JAZF1: variants seen among roughly 807,000 people sequenced by gnomAD.
The protein encoded by JAZF1 is JAZF zinc finger 1, also known as juxtaposed with another zinc finger protein 1.
JAZF1 carries 8 observed loss-of-function variants against 26.4 expected under a neutral mutation model. The ratio of observed to expected loss-of-function variants is 0.30; its 90% confidence interval spans 0.18 to 0.55. The LOEUF is 0.55. JAZF1 is among the 20% of genes least tolerant of loss of function. JAZF1 has a pLI of 0.94. For missense variants in JAZF1, 199 were observed against 322.0 expected (o/e 0.62, Z 2.92); for synonymous variants, 126 against 122.3 (o/e 1.03, Z -0.20).
intron 2 of JAZF1, among the ~76,000 whole-genome samples, chr7:27,980,912 T>C (rs1237689269): frequency 6.6e-6 from 1 of 152,198 alleles, no homozygotes; most frequent in Non-Finnish European, 1.5e-5. Flanking sequence ...TTTAGTTATC[T>C]TTCCACTATG....
At chr7:27,913,668 TA>T (rs1784399082) in intron 2 of JAZF1, among the ~76,000 whole-genome samples, 2 of 152,320 alleles carry the variant, frequency 1.3e-5, no homozygotes, top group South Asian at 2.1e-4. Context: ...CCAACCCACC[TA>T]TGGGAGCCCT....
chr7:28,009,787 T>A (rs1782769467), intron 1 of JAZF1, among the ~76,000 whole-genome samples: 1 of 152,094 alleles, frequency 6.6e-6, no homozygotes, highest in South Asian at 2.1e-4. Context: ...CCACACCCGG[T>A]CACCATTGCG....
intron 3 of JAZF1, among the ~76,000 whole-genome samples, chr7:27,845,148 GA>G (rs895483321): frequency 6.6e-6 from 1 of 152,290 alleles, no homozygotes; most frequent in African/African-American, 2.4e-5. Context: ...AAAGAGAGGG[GA>G]AAAAACAACT....
At chr7:28,053,128 G>C (rs1446834646) in intron 1 of JAZF1, among the ~76,000 whole-genome samples, 2 of 152,170 alleles carry the variant, frequency 1.3e-5, no homozygotes, top group Non-Finnish European at 2.9e-5. Context: ...TTGAGGGTTA[G>C]CCATACTGTA....
chr7:27,882,708 T>A (rs1783793831), intron 3 of JAZF1, among the ~76,000 whole-genome samples: 1 of 152,178 alleles, frequency 6.6e-6, no homozygotes, highest in South Asian at 2.1e-4. Flanking sequence ...TGCCTGGGGA[T>A]CATTTTATTG....
intron 3 of JAZF1, among the ~76,000 whole-genome samples, chr7:27,846,904 G>T (rs1398825858): frequency 1.1e-4 from 17 of 152,074 alleles, no homozygotes; most frequent in Non-Finnish European, 2.9e-5. Context: ...TCCATAGATT[G>T]CTATTTCATC....
chr7:28,098,031 T>C (rs1219130473), intron 1 of JAZF1, among the ~76,000 whole-genome samples: 4 of 152,160 alleles, frequency 2.6e-5, no homozygotes, highest in African/African-American at 9.7e-5. Context: ...CCAGAAACCT[T>C]AAGCTTGCTA....
At chr7:28,152,828 C>CA (rs1024880018) in intron 1 of JAZF1, among the ~76,000 whole-genome samples, 33 of 151,980 alleles carry the variant, frequency 2.2e-4, no homozygotes, top group African/African-American at 7.0e-4. Context: ...GGGGACACTG[C>CA]AAAAAATGGC....
chr7:28,138,058 C>G (rs762375988), intron 1 of JAZF1, among the ~76,000 whole-genome samples: 2 of 152,166 alleles, frequency 1.3e-5, no homozygotes, highest in Non-Finnish European at 1.5e-5. Flanking sequence ...ATCCTCTGTT[C>G]AATGCTTCTC....
chr7:27,862,964 A>G (rs1334568123), intron 3 of JAZF1, among the ~76,000 whole-genome samples: 4 of 152,138 alleles, frequency 2.6e-5, no homozygotes, highest in African/African-American at 4.8e-5. Context: ...GACAGCACTG[A>G]GACCAAAATC....
intron 2 of JAZF1, among the ~76,000 whole-genome samples, chr7:27,958,564 A>G (rs1785137867): frequency 6.6e-6 from 1 of 152,162 alleles, no homozygotes; most frequent in African/African-American, 2.4e-5. Flanking sequence ...GGCAGGCTAG[A>G]CTTTACAGCT....
rs550259502 is a variant in JAZF1 at position 28,038,672 on chromosome 7, T to G, written c.116-46691A>C. 7.2e-5 allele frequency among the ~76,000 whole-genome samples: 11 copies of G among 152,202 alleles called. No individual in the cohort carries two copies. In the South Asian group the frequency reaches 2.3e-3, roughly 32 times the overall value. On this transcript the variant is annotated intron_variant, in intron 1 of 4. Transcript: ENST00000283928. Reference sequence around the variant, plus strand: ...AAGAAGCATGCACACACCCCATAACTCCAGCAAATCCTTGATTAACTGAAA... The same window carrying G: ...AAGAAGCATGCACACACCCCATAACGCCAGCAAATCCTTGATTAACTGAAA...
At chr7:27,972,619 G>A (rs1006877766) in intron 2 of JAZF1, among the ~76,000 whole-genome samples, 1 of 152,112 alleles carries the variant, frequency 6.6e-6, no homozygotes, top group Admixed American at 6.6e-5. Flanking sequence ...TGTAGAATAA[G>A]GATTAATCCA....
intron 1 of JAZF1, among the ~76,000 whole-genome samples, chr7:28,150,732 T>C (rs1369212430): frequency 6.6e-6 from 1 of 152,218 alleles, no homozygotes; most frequent in African/African-American, 2.4e-5. Context: ...AAGGGAAGCC[T>C]GTGTGTCCAC....
chr7:27,995,021 GCAGAAAGGATACAAT>G (rs1287438307), intron 1 of JAZF1, among the ~76,000 whole-genome samples: 1 of 152,142 alleles, frequency 6.6e-6, no homozygotes, highest in Non-Finnish European at 1.5e-5. Flanking sequence ...TTATATGAGG[GCAGAAAGGATACAAT>G]CAGAACAAAC....
chr7:28,067,299 A>G (rs117737199), intron 1 of JAZF1, among the ~76,000 whole-genome samples: 4 of 152,220 alleles, frequency 2.6e-5, no homozygotes, highest in African/African-American at 9.6e-5. Flanking sequence ...GAGATGACTC[A>G]GACATCAACA....
chr7:27,862,235 TA>T (rs1413826622), intron 3 of JAZF1, among the ~76,000 whole-genome samples: 1 of 152,222 alleles, frequency 6.6e-6, no homozygotes, highest in Non-Finnish European at 1.5e-5. Context: ...ATTTTAGATC[TA>T]GGGGGTACAC....
intron 1 of JAZF1, among the ~76,000 whole-genome samples, chr7:28,015,638 T>C (rs1196352095): frequency 6.6e-6 from 1 of 152,220 alleles, no homozygotes; most frequent in Non-Finnish European, 1.5e-5. Context: ...AATTATACAA[T>C]ACTTTGAAAC....
chr7:27,986,987 C>T (rs530217473), intron 2 of JAZF1, among the ~76,000 whole-genome samples: 2 of 152,082 alleles, frequency 1.3e-5, no homozygotes, highest in Non-Finnish European at 2.9e-5. Flanking sequence ...AGTGCAGTGG[C>T]GTGATCTCGG....
Sources: allele counts gnomAD v4.1 joint callset (sites outside exome capture counted in the v4.1 genomes callset), GRCh38; gene constraint gnomAD v4.1.1; transcripts MANE v1.5; gene names NCBI Gene and HGNC (gene_info 2026-07-23, HGNC 2026-07-21).